TMEM263: variants seen among roughly 807,000 people sequenced by gnomAD.
The protein encoded by TMEM263 is UPF0444 transmembrane protein C12orf23.
A neutral mutation model predicts 8.6 loss-of-function variants in TMEM263; 5 were observed. That is an observed-to-expected ratio of 0.58 (90% CI 0.31 to 1.23). TMEM263 has a LOEUF of 1.23. Among genes scored for constraint, TMEM263 ranks in the 50% most tolerant of loss-of-function variants. The probability of loss-of-function intolerance (pLI) is 0.07; values close to 1 mark genes in which losing one functional copy is unlikely to be tolerated. For missense variants in TMEM263, 104 were observed against 138.8 expected, an observed-to-expected ratio of 0.75 and a Z score of 1.26; for synonymous variants, 50 against 47.9, an observed-to-expected ratio of 1.04 and a Z score of -0.18.
chr12:106,963,027 A>T (rs536896264), intron 2 of TMEM263, among the ~76,000 whole-genome samples: 1 of 152,328 alleles, frequency 6.6e-6, no homozygotes, highest in African/African-American at 2.4e-5. Context: ...CTCATCTATT[A>T]TAAGGTGGTC....
At chr12:106,964,870 CCAA>C (rs1489388800) in intron 2 of TMEM263, among the ~76,000 whole-genome samples, 2 of 152,220 alleles carry the variant, frequency 1.3e-5, no homozygotes, top group Non-Finnish European at 2.9e-5. Flanking sequence ...ATCCAAGCCA[CCAA>C]CATTTTTTGG....
At chr12:106,956,192 G>A (rs1331081019) in intron 1 of TMEM263, 127 bp downstream of exon 1, 1 of 397,234 alleles carries the variant, frequency 2.5e-6, no homozygotes, top group Non-Finnish European at 3.4e-6. Flanking sequence ...GCGGGGCCTT[G>A]GCGAGGCCCC....
chr12:106,968,515 G>A (rs1951875230), intron 3 of TMEM263, among the ~76,000 whole-genome samples: 2 of 152,160 alleles, frequency 1.3e-5, no homozygotes, highest in Non-Finnish European at 2.9e-5. Flanking sequence ...TTAGGGCTCA[G>A]TGAGAAAGTT....
chr12:106,957,974 T>TA (rs1439926208), intron 2 of TMEM263, among the ~76,000 whole-genome samples: 1 of 152,256 alleles, frequency 6.6e-6, no homozygotes, highest in African/African-American at 2.4e-5. Flanking sequence ...TGTTGGTGTA[T>TA]ATGTTGTAAA....
intron 2 of TMEM263, among the ~76,000 whole-genome samples, chr12:106,961,063 C>A (rs1327293312): frequency 2.0e-5 from 3 of 148,102 alleles, no homozygotes; most frequent in Non-Finnish European, 1.5e-5. Flanking sequence ...CCTGTCCTGT[C>A]CTATCGTTTG....
At chr12:106,970,964 A>G in intron 3 of TMEM263, 141 bp from the exon 4 acceptor site, 7 of 738,500 alleles carry the variant, frequency 9.5e-6, no homozygotes, top group Non-Finnish European at 1.3e-5. Context: ...AGAGCTCTTC[A>G]GTGTCTTTGA....
chr12:106,962,297 T>C (rs1951788671), intron 2 of TMEM263, among the ~76,000 whole-genome samples: 2 of 152,028 alleles, frequency 1.3e-5, no homozygotes, highest in African/African-American at 4.8e-5. Flanking sequence ...TTTTAAAAAA[T>C]TGGGCATGAT....
chr12:106,968,923 T>A (rs1951880670), intron 3 of TMEM263, among the ~76,000 whole-genome samples: 1 of 152,218 alleles, frequency 6.6e-6, no homozygotes, highest in African/African-American at 2.4e-5. Flanking sequence ...TCCATCATAA[T>A]TTTATAACTA....
intron 2 of TMEM263, among the ~76,000 whole-genome samples, chr12:106,966,538 GAGAAAT>G (rs1951850095): frequency 6.6e-6 from 1 of 152,146 alleles, no homozygotes; most frequent in African/African-American, 2.4e-5. Flanking sequence ...GAGTTCTTTT[GAGAAAT>G]CTCCAAACTG....
intron 2 of TMEM263, among the ~76,000 whole-genome samples, chr12:106,965,633 A>C (rs1951833685): frequency 6.6e-6 from 1 of 151,696 alleles, no homozygotes; most frequent in Admixed American, 6.6e-5. Flanking sequence ...TCACACAAAA[A>C]TAAAGTATCA....
At chr12:106,963,042 G>A (rs9651926) in intron 2 of TMEM263, among the ~76,000 whole-genome samples, 23,675 of 152,110 alleles carry the variant, frequency 0.16, 2,864 homozygotes, top group African/African-American at 0.32. Context: ...GTGGTCAGGG[G>A]ACATCTTCTG....
At chr12:106,956,206 G>C (rs949924504) in intron 1 of TMEM263, 141 bp downstream of exon 1, 1 of 311,900 alleles carries the variant, frequency 3.2e-6, no homozygotes, top group Non-Finnish European at 4.7e-6. Context: ...AGGCCCCAGC[G>C]GGAAAGGGGG....
chr12:106,957,165 CGTGTGTGTGTGTGTGTGT>C lies in TMEM263; in HGVS notation c.-7+45_-7+62del, dbSNP rs55948879. The C allele has an allele frequency of 0.035, 29,788 of 847,612 alleles. 375 individuals are homozygous for C. Among genetic ancestry groups the C allele is most frequent in the African/African-American group, 0.067 (3,720 of 55,292 alleles). The allele number at this position is 847,612 out of a possible 1,614,324, so 52.5% of individuals were successfully genotyped here. On this transcript the variant is annotated intron_variant, in intron 2 of 3. Transcript: ENST00000280756. ...ACACCAACAGGTAAACGCGCGCGCC[CGTGTGTGTGTGTGTGTGT>C]GTGTGTGTGTGTGTGTGTGTGTGTG...
Position 106,956,046 on chromosome 12 carries a change from C to T in TMEM263, c.-94C>T. 1 of 985,488 alleles carries T rather than the reference C, an allele frequency of 1.0e-6. No homozygotes were observed. Among genetic ancestry groups the T allele is most frequent in the African/African-American group, 1.7e-5 (1 of 57,370 alleles). 61.0% of individuals were successfully genotyped at this position (985,488 alleles called of 1,614,324 possible). On this transcript the variant is annotated 5_prime_UTR_variant, in exon 1 of 4. Coordinates refer to ENST00000280756, the MANE Select transcript of TMEM263 (RefSeq NM_152261.4). ...TCACTCCGCCCGGCCCCAGCCCTAGCGCTGGCCGCGACCCCGGCGGTGAGT... is the reference window on the plus strand; with the variant it reads ...TCACTCCGCCCGGCCCCAGCCCTAGTGCTGGCCGCGACCCCGGCGGTGAGT...
Position 106,972,372 on chromosome 12 carries a change from T to C in TMEM263, c.*981T>C, listed in dbSNP as rs192474126. 1.7e-4 allele frequency: 26 copies of C among 152,330 alleles called. No individual in the cohort carries two copies. The highest frequency in any genetic ancestry group is 2.9e-5 in the Non-Finnish European group (2 of 68,010). The allele number at this position is 152,330 out of a possible 1,614,324, so 9.4% of individuals were successfully genotyped here. A position where few individuals can be genotyped will look rare whatever the true frequency, so the allele number is the denominator to read the frequency against. On this transcript the variant is annotated 3_prime_UTR_variant, in exon 4 of 4. Transcript: ENST00000280756. ...TAAAAAGAAGCCTTCACACCTATTC[T>C]GTCTTTAGGATGTCTTAAATTATTA...
In TMEM263 at chr12:106,957,264, G is replaced by A. The variant is rs1034549305; in HGVS notation, c.-7+115G>A. The A allele has an allele frequency of 4.4e-5, 32 of 724,812 alleles. No individual in the cohort carries two copies. The African/African-American group carries it at 5.4e-4, about 12-fold the overall frequency. The allele number at this position is 724,812 out of a possible 1,614,324, so 44.9% of individuals were successfully genotyped here. ...TAACTTTTTAAAAAGAAAGGGAGAA[G>A]TAGCCTTTGATAAACCCATATGCAT... On this transcript the variant is annotated intron_variant, in intron 2 of 3. Coordinates refer to ENST00000280756, the MANE Select transcript of TMEM263 (RefSeq NM_152261.4).
intron 1 of TMEM263, among the ~76,000 whole-genome samples, chr12:106,956,356 C>T (rs1267823507): frequency 6.6e-6 from 1 of 151,946 alleles, no homozygotes; most frequent in Non-Finnish European, 1.5e-5. Context: ...TCTGGGGGTT[C>T]GGGGTTGGGG....
At chr12:106,957,280 C>A in intron 2 of TMEM263, 131 bp downstream of exon 2, 1 of 486,810 alleles carries the variant, frequency 2.1e-6, no homozygotes, top group Non-Finnish European at 2.7e-6. Flanking sequence ...TTTGATAAAC[C>A]CATATGCATC....
chr12:106,959,151 A>G (rs890248370), intron 2 of TMEM263: 1 of 152,238 alleles, frequency 6.6e-6, no homozygotes, highest in African/African-American at 2.4e-5. Context: ...TATATGTTGA[A>G]TTAATGATTC....
Sources: allele counts gnomAD v4.1 joint callset (sites outside exome capture counted in the v4.1 genomes callset), GRCh38; gene constraint gnomAD v4.1.1; transcripts MANE v1.5; gene names NCBI Gene and HGNC (gene_info 2026-07-23, HGNC 2026-07-21).